SGCD: variants seen among roughly 807,000 people sequenced by gnomAD.
SGCD encodes sarcoglycan delta, also known as delta-sarcoglycan.
SGCD carries 18 observed loss-of-function variants against 36.6 expected under a neutral mutation model. That is an observed-to-expected ratio of 0.49 (90% confidence interval 0.34 to 0.73). The LOEUF (loss-of-function observed/expected upper bound fraction) is 0.73. Among genes scored for constraint, SGCD ranks in the 30% least tolerant of loss-of-function variants. The pLI is 0.01. For synonymous variants in SGCD, 133 were observed against 130.6 expected (o/e 1.02, Z -0.12); for missense variants, 387 against 346.7 (o/e 1.12, Z -0.92).
At chr5:156,719,417 G>C (rs908839796) in intron 7 of SGCD, among the ~76,000 whole-genome samples, 7 of 151,306 alleles carry the variant, frequency 4.6e-5, no homozygotes, top group East Asian at 1.9e-4. Context: ...CACACACACA[G>C]AGAAACATCT....
intron 1 of SGCD, among the ~76,000 whole-genome samples, chr5:155,909,486 A>C (rs1756588398): frequency 6.6e-6 from 1 of 152,154 alleles, no homozygotes; most frequent in South Asian, 2.1e-4. Context: ...ATTGAGGGAA[A>C]GCTTTATCTG....
At chr5:156,296,932 G>T (rs1196186147) in intron 3 of SGCD, among the ~76,000 whole-genome samples, 1 of 151,466 alleles carries the variant, frequency 6.6e-6, no homozygotes, top group African/African-American at 2.4e-5. Flanking sequence ...ACATTTATAT[G>T]CACATATATA....
chr5:156,383,070 G>T (rs1220826512), intron 3 of SGCD, among the ~76,000 whole-genome samples: 1 of 152,114 alleles, frequency 6.6e-6, no homozygotes, highest in Non-Finnish European at 1.5e-5. Flanking sequence ...TGGTTCAAAG[G>T]ACTGATATTA....
intron 7 of SGCD, among the ~76,000 whole-genome samples, chr5:156,682,718 G>A (rs1021895420): frequency 3.9e-5 from 6 of 152,222 alleles, no homozygotes; most frequent in Non-Finnish European, 8.8e-5. Context: ...CATTTGATCA[G>A]CAGGGGCTGG....
At chr5:156,589,192 C>T in intron 4 of SGCD, 39 bp from the exon 5 acceptor site, 1 of 1,400,660 alleles carries the variant, frequency 7.1e-7, no homozygotes, top group Admixed American at 2.0e-5. Context: ...GTTTAGAAAT[C>T]TATCATTTTC....
the SGCD span, among the ~76,000 whole-genome samples, chr5:155,864,874 T>G: frequency 3.9e-4 from 59 of 152,358 alleles, no homozygotes; most frequent in African/African-American, 1.3e-3. Flanking sequence ...GTACAGATTA[T>G]GCTTAAATGC....
chr5:156,471,796 CAAAAT>C (rs1386994356), intron 3 of SGCD, among the ~76,000 whole-genome samples: 1 of 151,692 alleles, frequency 6.6e-6, no homozygotes, highest in East Asian at 1.9e-4. Flanking sequence ...TAGACTTTCT[CAAAAT>C]AAAAACTTCT....
At chr5:155,881,179 C>T (rs1375004174) in intron 1 of SGCD, among the ~76,000 whole-genome samples, 3 of 151,976 alleles carry the variant, frequency 2.0e-5, no homozygotes, top group Non-Finnish European at 2.9e-5. Context: ...AACAGGCTTG[C>T]ACCTGTAATC....
intron 1 of SGCD, among the ~76,000 whole-genome samples, chr5:156,067,669 A>G (rs1760365116): frequency 8.6e-6 from 1 of 116,952 alleles, no homozygotes; most frequent in Non-Finnish European, 1.6e-5. Context: ...GCCGGTCTGA[A>G]AAGCGCAATA....
chr5:156,540,381 G>A (rs1209439123), intron 4 of SGCD, among the ~76,000 whole-genome samples: 1 of 152,086 alleles, frequency 6.6e-6, no homozygotes, highest in Non-Finnish European at 1.5e-5. Context: ...TCTGGGGCAA[G>A]GAATTGGCAT....
intron 7 of SGCD, among the ~76,000 whole-genome samples, chr5:156,676,624 A>G (rs1007309860): frequency 1.3e-5 from 2 of 152,114 alleles, no homozygotes; most frequent in African/African-American, 4.8e-5. Context: ...ATCCCACCCA[A>G]AAACCTTGAT....
intron 3 of SGCD, among the ~76,000 whole-genome samples, chr5:156,293,233 A>T (rs911941529): frequency 6.6e-5 from 10 of 152,160 alleles, no homozygotes; most frequent in Admixed American, 2.6e-4. Context: ...ATAATAACAT[A>T]CCTGGCTTTG....
intron 3 of SGCD, among the ~76,000 whole-genome samples, chr5:156,169,362 A>C (rs1340435242): frequency 6.6e-6 from 1 of 152,076 alleles, no homozygotes; most frequent in African/African-American, 2.4e-5. Flanking sequence ...TTTTGTAAAC[A>C]TTTTTTCTCC....
At chr5:156,351,682 G>A (rs1215803276) in intron 3 of SGCD, among the ~76,000 whole-genome samples, 1 of 151,978 alleles carries the variant, frequency 6.6e-6, no homozygotes, top group Admixed American at 6.6e-5. Context: ...GCACTACACT[G>A]TCGCAGTTAC....
At chr5:156,371,903 T>C (rs1308811425) in intron 3 of SGCD, among the ~76,000 whole-genome samples, 3 of 152,170 alleles carry the variant, frequency 2.0e-5, no homozygotes, top group East Asian at 1.9e-4. Flanking sequence ...GTCTTTTATA[T>C]GTTAAATTTG....
intron 7 of SGCD, among the ~76,000 whole-genome samples, chr5:156,717,036 C>T (rs1755255859): frequency 6.6e-6 from 1 of 152,158 alleles, no homozygotes; most frequent in Non-Finnish European, 1.5e-5. Context: ...AATATGATTT[C>T]TCCTCATGTG....
chr5:156,315,446 T>G (rs1274921764), intron 3 of SGCD, among the ~76,000 whole-genome samples: 1 of 151,994 alleles, frequency 6.6e-6, no homozygotes, highest in Non-Finnish European at 1.5e-5. Context: ...CACATTTTCT[T>G]TAACCACTCA....
At chr5:156,171,552 A>G (rs1352038113) in intron 3 of SGCD, among the ~76,000 whole-genome samples, 1 of 152,186 alleles carries the variant, frequency 6.6e-6, no homozygotes, top group Non-Finnish European at 1.5e-5. Context: ...AATAAATCAC[A>G]TTGTTACGGT....
At chr5:156,620,594 G>T (rs774235919) in intron 6 of SGCD, among the ~76,000 whole-genome samples, 1 of 152,202 alleles carries the variant, frequency 6.6e-6, no homozygotes, top group Non-Finnish European at 1.5e-5. Context: ...GAAATAGGGG[G>T]AAGTGTAATG....
Sources: gnomAD v4.1 joint callset for allele counts (sites outside exome capture counted in the v4.1 genomes callset) on GRCh38, gnomAD v4.1.1 for gene constraint, MANE v1.5 for transcripts, NCBI Gene and HGNC (gene_info 2026-07-23, HGNC 2026-07-21) for gene names.